NCAM1: variants seen among roughly 807,000 people sequenced by gnomAD.
NCAM1 encodes antigen recognized by monoclonal antibody 5.1H11.
In NCAM1, 14 loss-of-function variants were observed where a neutral mutation model predicts 109.8. The observed-to-expected ratio is 0.13, with a 90% confidence interval of 0.08 to 0.20. The LOEUF is 0.20. Among genes scored for constraint, NCAM1 ranks in the 10% least tolerant of loss-of-function variants. The pLI is 1.00. For synonymous variants in NCAM1, 418 were observed against 442.9 expected, an observed-to-expected ratio of 0.94 and a Z score of 0.70; for missense variants, 774 against 1,109.9, an observed-to-expected ratio of 0.70 and a Z score of 4.30.
At chr11:113,256,318 G>T (rs782275667) in intron 16 of NCAM1, among the ~76,000 whole-genome samples, 1 of 152,128 alleles carries the variant, frequency 6.6e-6, no homozygotes, top group African/African-American at 2.4e-5. Context: ...TCTTGTAAAT[G>T]CCATACTAAT....
chr11:113,136,234 C>T (rs574299712), intron 1 of NCAM1, among the ~76,000 whole-genome samples: 14 of 152,268 alleles, frequency 9.2e-5, no homozygotes, highest in African/African-American at 2.4e-4. Context: ...TGGTAGTCTT[C>T]GGAAGTCCAT....
chr11:113,110,733 A>G (rs1309513451), intron 1 of NCAM1, among the ~76,000 whole-genome samples: 1 of 152,126 alleles, frequency 6.6e-6, no homozygotes, highest in Non-Finnish European at 1.5e-5. Context: ...TCTAAAACGA[A>G]ATGTCTTGAA....
intron 1 of NCAM1, among the ~76,000 whole-genome samples, chr11:113,121,887 A>T (rs1555096161): frequency 6.6e-6 from 1 of 152,202 alleles, no homozygotes; most frequent in Non-Finnish European, 1.5e-5. Flanking sequence ...TTCCATTGGC[A>T]AATGTAAAGC....
chr11:113,223,147 C>T (rs187107476), intron 9 of NCAM1, among the ~76,000 whole-genome samples: 1 of 152,206 alleles, frequency 6.6e-6, no homozygotes, highest in Non-Finnish European at 1.5e-5. Flanking sequence ...CAGAGCTCAT[C>T]TCCTCCTTCT....
At chr11:112,994,327 C>G (rs978319325) in intron 1 of NCAM1, among the ~76,000 whole-genome samples, 4 of 152,180 alleles carry the variant, frequency 2.6e-5, no homozygotes, top group African/African-American at 9.7e-5. Context: ...CTCTATGATT[C>G]TGATGAGAAG....
intron 1 of NCAM1, among the ~76,000 whole-genome samples, chr11:112,981,309 C>T (rs1385758147): frequency 6.6e-6 from 1 of 151,764 alleles, no homozygotes; most frequent in East Asian, 1.9e-4. Context: ...CATCATAAAG[C>T]GGTACACAAT....
chr11:112,989,894 A>C (rs1951411687), intron 1 of NCAM1, among the ~76,000 whole-genome samples: 2 of 152,198 alleles, frequency 1.3e-5, no homozygotes, highest in Non-Finnish European at 2.9e-5. Flanking sequence ...TGCAGTCAAG[A>C]TTTATCTTCA....
At chr11:113,150,418 T>A (rs1396597837) in intron 1 of NCAM1, among the ~76,000 whole-genome samples, 5 of 152,230 alleles carry the variant, frequency 3.3e-5, no homozygotes, top group African/African-American at 9.6e-5. Context: ...CATGCCTCTC[T>A]GAGCTGTGAC....
At chr11:113,190,742 A>G (rs1485772016) in intron 1 of NCAM1, among the ~76,000 whole-genome samples, 3 of 152,176 alleles carry the variant, frequency 2.0e-5, no homozygotes, top group Admixed American at 1.3e-4. Context: ...AAAATTTTGT[A>G]TAACTTAGTT....
intron 14 of NCAM1, 136 bp downstream of exon 14, chr11:113,235,300 C>G: frequency 6.5e-7 from 1 of 1,549,138 alleles, no homozygotes. Context: ...CCTGGAGGCC[C>G]CACCTCCTAG....
intron 7 of NCAM1, among the ~76,000 whole-genome samples, 155 bp from the exon 8 acceptor site, chr11:113,214,214 A>G (rs1204171060): frequency 1.3e-5 from 2 of 152,372 alleles, no homozygotes; most frequent in Middle Eastern, 3.4e-3. Flanking sequence ...CATCATTGTA[A>G]GCCTTGGAGA....
At chr11:113,117,835 G>A (rs1940777104) in intron 1 of NCAM1, among the ~76,000 whole-genome samples, 1 of 151,890 alleles carries the variant, frequency 6.6e-6, no homozygotes, top group Admixed American at 6.6e-5. Context: ...ACAGCAAACT[G>A]CTTGACATTG....
intron 1 of NCAM1, among the ~76,000 whole-genome samples, chr11:113,067,940 T>C (rs1462364747): frequency 1.4e-5 from 2 of 145,458 alleles, no homozygotes; most frequent in Non-Finnish European, 3.0e-5. Context: ...AGACGGAGTC[T>C]CGCTCTGTCA....
chr11:113,062,857 A>G (rs1406351664), intron 1 of NCAM1, among the ~76,000 whole-genome samples: 1 of 152,052 alleles, frequency 6.6e-6, no homozygotes, highest in African/African-American at 2.4e-5. Flanking sequence ...ATTCCTAACT[A>G]CTTGGGAGGC....
chr11:113,212,811 A>G (rs1207832307), intron 7 of NCAM1, among the ~76,000 whole-genome samples: 1 of 152,144 alleles, frequency 6.6e-6, no homozygotes, highest in African/African-American at 2.4e-5. Context: ...ATTCCTTCCA[A>G]TACGAGTTGT....
At chr11:112,975,110 T>C (rs1214505764) in intron 1 of NCAM1, among the ~76,000 whole-genome samples, 1 of 152,058 alleles carries the variant, frequency 6.6e-6, no homozygotes, top group Non-Finnish European at 1.5e-5. Context: ...TTCAGACAAC[T>C]TCAAGGGATT....
intron 1 of NCAM1, among the ~76,000 whole-genome samples, chr11:113,153,537 G>A (rs1260624607): frequency 1.3e-5 from 2 of 152,028 alleles, no homozygotes; most frequent in Non-Finnish European, 2.9e-5. Flanking sequence ...ATTCTGGCTT[G>A]GCTGTGTGGA....
At chr11:113,227,766 AGGCT>A (rs1944893701) in intron 9 of NCAM1, among the ~76,000 whole-genome samples, 1 of 152,232 alleles carries the variant, frequency 6.6e-6, no homozygotes, top group East Asian at 1.9e-4. Flanking sequence ...CTGGGATGCA[AGGCT>A]GGTTCAACAT....
intron 14 of NCAM1, among the ~76,000 whole-genome samples, chr11:113,238,397 A>G (rs1945235550): frequency 6.6e-6 from 1 of 152,296 alleles, no homozygotes; most frequent in South Asian, 2.1e-4. Flanking sequence ...ATTATCACCA[A>G]AGATAACTTA....
Sources: gnomAD v4.1 joint callset for allele counts (sites outside exome capture counted in the v4.1 genomes callset) on GRCh38, gnomAD v4.1.1 for gene constraint, MANE v1.5 for transcripts, NCBI Gene and HGNC (gene_info 2026-07-23, HGNC 2026-07-21) for gene names.